SNX29: variants seen among roughly 807,000 people sequenced by gnomAD.
The protein encoded by SNX29 is sorting nexin-29.
In SNX29, 78 loss-of-function variants were observed where a neutral mutation model predicts 102.1. The observed-to-expected ratio is 0.76, with a 90% CI of 0.64 to 0.92. The LOEUF (loss-of-function observed/expected upper bound fraction) is 0.92. Ranked by LOEUF, SNX29 falls within the 40% of genes least tolerant of loss-of-function variation. SNX29 has a pLI of 0.00. For synonymous variants in SNX29, 580 were observed against 414.5 expected, an observed-to-expected ratio of 1.40 and a Z score of -4.85; for missense variants, 1,280 against 1,061.7, an observed-to-expected ratio of 1.21 and a Z score of -2.86.
intron 15 of SNX29, among the ~76,000 whole-genome samples, chr16:12,305,992 A>T (rs547469906): frequency 6.6e-6 from 1 of 151,954 alleles, no homozygotes; most frequent in South Asian, 2.1e-4. Context: ...CTCGTTTTAT[A>T]CTGGAGGACA....
chr16:12,256,322 C>G (rs181084088), intron 14 of SNX29, among the ~76,000 whole-genome samples: 19 of 152,298 alleles, frequency 1.2e-4, no homozygotes, highest in Admixed American at 1.1e-3. Context: ...GGTAAGTTGT[C>G]TCTTCACTCT....
intron 20 of SNX29, among the ~76,000 whole-genome samples, chr16:12,549,579 C>A (rs2856774): frequency 6.6e-6 from 1 of 152,160 alleles, no homozygotes; most frequent in East Asian, 1.9e-4. Flanking sequence ...GACCCCAGCC[C>A]TAAGACCTGC....
At chr16:12,099,594 C>T (rs1453340800) in intron 11 of SNX29, among the ~76,000 whole-genome samples, 1 of 152,160 alleles carries the variant, frequency 6.6e-6, no homozygotes, top group Non-Finnish European at 1.5e-5. Flanking sequence ...GGCCCGGACT[C>T]CCGGTGAGGG....
intron 18 of SNX29, among the ~76,000 whole-genome samples, chr16:12,423,690 C>G (rs566869074): frequency 6.6e-6 from 1 of 152,288 alleles, no homozygotes; most frequent in South Asian, 2.1e-4. Context: ...CCTGTCTCAG[C>G]CTCCCGAATA....
chr16:12,394,207 C>T (rs1221111018), intron 16 of SNX29, among the ~76,000 whole-genome samples: 3 of 152,214 alleles, frequency 2.0e-5, no homozygotes, highest in South Asian at 2.1e-4. Context: ...CTATTGAGTC[C>T]TTTCAGATTT....
At chr16:11,993,573 T>C (rs185962205) in intron 1 of SNX29, among the ~76,000 whole-genome samples, 360 of 152,278 alleles carry the variant, frequency 2.4e-3, no homozygotes, top group Non-Finnish European at 3.3e-3. Context: ...ATTTCCCTCA[T>C]TTTATCGTCC....
chr16:12,472,115 A>G (rs1035119064), intron 18 of SNX29, among the ~76,000 whole-genome samples: 1 of 152,270 alleles, frequency 6.6e-6, no homozygotes, highest in African/African-American at 2.4e-5. Flanking sequence ...CATTAGTGCA[A>G]AGCAACATGA....
intron 13 of SNX29, among the ~76,000 whole-genome samples, chr16:12,151,639 G>C (rs1311271701): frequency 3.3e-5 from 5 of 152,130 alleles, no homozygotes; most frequent in Non-Finnish European, 5.9e-5. Context: ...CTGAAGAGAG[G>C]GTGGTCCTCC....
At chr16:12,512,401 T>G (rs1266208366) in intron 19 of SNX29, among the ~76,000 whole-genome samples, 7 of 72,724 alleles carry the variant, frequency 9.6e-5, no homozygotes, top group African/African-American at 3.3e-4. Flanking sequence ...TATATATATA[T>G]ATATATATAT....
At chr16:12,055,296 C>T (rs902099319) in intron 8 of SNX29, among the ~76,000 whole-genome samples, 2 of 150,524 alleles carry the variant, frequency 1.3e-5, no homozygotes, top group African/African-American at 4.9e-5. Flanking sequence ...TACGGTGGCA[C>T]GATCTCAGCT....
At position 12,060,152 on chromosome 16, in the gene SNX29, A is replaced by C. The variant is rs569572848; in HGVS notation, c.1125-1376A>C. On this transcript the variant is annotated intron_variant, in intron 8 of 20. Coordinates refer to ENST00000566228, the MANE Select transcript of SNX29 (RefSeq NM_032167.5). ...TGGATCAAAAATATTACCAAAAAAA[A>C]ACCAATAAAAATAATACAATAAAAA... Among the ~76,000 whole-genome samples, 26 of 152,260 alleles carry C rather than the reference A, an allele frequency of 1.7e-4. No individual in the cohort carries two copies. The South Asian group carries it at 3.9e-3, about 23-fold the overall frequency.
At chr16:12,126,530 A>T (rs1026303230) in intron 11 of SNX29, 103 bp from the exon 12 acceptor site, 1 of 1,209,300 alleles carries the variant, frequency 8.3e-7, no homozygotes, top group Admixed American at 2.1e-5. Flanking sequence ...AAGGGAACTT[A>T]TCTAGACAAG....
intron 18 of SNX29, among the ~76,000 whole-genome samples, chr16:12,463,794 C>T (rs1395529045): frequency 6.6e-6 from 1 of 151,438 alleles, no homozygotes; most frequent in Non-Finnish European, 1.5e-5. Context: ...ATCAGATTAA[C>T]ATATCCACCA....
intron 11 of SNX29, among the ~76,000 whole-genome samples, chr16:12,085,717 A>G (rs1488989978): frequency 6.6e-6 from 1 of 152,218 alleles, no homozygotes; most frequent in Non-Finnish European, 1.5e-5. Flanking sequence ...AGTAAAAGTA[A>G]CAGTATATTC....
At chr16:12,351,334 G>A (rs1210263552) in intron 15 of SNX29, among the ~76,000 whole-genome samples, 1 of 152,172 alleles carries the variant, frequency 6.6e-6, no homozygotes, top group Non-Finnish European at 1.5e-5. Context: ...AGTAAACTGG[G>A]CCTGAAAACG....
intron 15 of SNX29, among the ~76,000 whole-genome samples, chr16:12,290,604 A>G (rs1294918025): frequency 1.3e-5 from 2 of 152,204 alleles, no homozygotes; most frequent in African/African-American, 4.8e-5. Flanking sequence ...TTGCAGAATA[A>G]AAAAACTTGG....
At chr16:12,178,101 C>T (rs938660192) in intron 13 of SNX29, among the ~76,000 whole-genome samples, 6 of 152,144 alleles carry the variant, frequency 3.9e-5, no homozygotes, top group African/African-American at 1.4e-4. Context: ...TCAATAGTCA[C>T]TAGACATGGG....
At chr16:12,542,016 C>G (rs188629799) in intron 20 of SNX29, among the ~76,000 whole-genome samples, 2 of 152,114 alleles carry the variant, frequency 1.3e-5, no homozygotes, top group African/African-American at 4.8e-5. Flanking sequence ...TTTGCAGCAC[C>G]GCTCTGTTTT....
At chr16:12,086,815 A>C (rs1420715028) in intron 11 of SNX29, 1 of 152,142 alleles carries the variant, frequency 6.6e-6, no homozygotes. Flanking sequence ...TGTTTCAATA[A>C]AATTTTGGAT....
Sources: allele counts gnomAD v4.1 joint callset (sites outside exome capture counted in the v4.1 genomes callset), GRCh38; gene constraint gnomAD v4.1.1; transcripts MANE v1.5; gene names NCBI Gene and HGNC (gene_info 2026-07-23, HGNC 2026-07-21).